ETS1: variants seen among roughly 807,000 people sequenced by gnomAD.
ETS1 encodes the protein ETS proto-oncogene 1, transcription factor.
In ETS1, 15 loss-of-function variants were observed where a neutral mutation model predicts 58.6. The ratio of observed to expected loss-of-function variants is 0.26; its 90% CI spans 0.17 to 0.39. The LOEUF is 0.39. Among genes scored for constraint, ETS1 ranks in the 10% least tolerant of loss-of-function variants. The pLI is 1.00. For missense variants in ETS1, 417 were observed against 610.5 expected, an observed-to-expected ratio of 0.68 and a Z score of 3.34; for synonymous variants, 214 against 218.2, an observed-to-expected ratio of 0.98 and a Z score of 0.17.
intron 3 of ETS1, among the ~76,000 whole-genome samples, chr11:128,540,952 C>T (rs1215136194): frequency 1.3e-5 from 2 of 152,202 alleles, no homozygotes; most frequent in Non-Finnish European, 2.9e-5. Context: ...GGAGTGGCCA[C>T]TCTTCCAAAC....
At chr11:128,518,902 G>A (rs1433113121) in intron 3 of ETS1, among the ~76,000 whole-genome samples, 7 of 152,208 alleles carry the variant, frequency 4.6e-5, no homozygotes, top group Non-Finnish European at 2.9e-5. Context: ...CAGGATTAGA[G>A]CTCCTGCTCT....
intron 3 of ETS1, chr11:128,522,236 GCGCCCGCTCCTCCTGCCCGGCCCT>G (rs1425455641): frequency 8.3e-7 from 1 of 1,202,160 alleles, no homozygotes; most frequent in Non-Finnish European, 1.0e-6. Context: ...CGCCCGCGCC[GCGCCCGCTCCTCCTGCCCGGCCCT>G]CGCCCGCTCC....
intron 3 of ETS1, among the ~76,000 whole-genome samples, chr11:128,543,030 C>A (rs1864078683): frequency 2.0e-5 from 3 of 151,964 alleles, no homozygotes. Flanking sequence ...CAAAAATTAG[C>A]CGGGCATGGT....
rs774996350 is a variant in ETS1, at chr11:128,490,617, G to C, written c.215-41C>G. The C allele has an allele frequency of 2.0e-6, 3 of 1,530,832 alleles. No individual in the cohort carries two copies. The African/African-American group carries it at 4.1e-5, about 21-fold the overall frequency. The allele number at this position is 1,530,832 out of a possible 1,614,324, so 94.8% of individuals were successfully genotyped here. ...GCATATGAATAACAAAAATTACATA[G>C]GTAATGAACCAATCATAAAACATTA... On this transcript the variant is annotated intron_variant, in intron 3 of 9. Transcript: ENST00000392668.
At chr11:128,554,370 C>T (rs954294552) in intron 3 of ETS1, among the ~76,000 whole-genome samples, 1 of 152,066 alleles carries the variant, frequency 6.6e-6, no homozygotes, top group Non-Finnish European at 1.5e-5. Context: ...ATCTTCTCAA[C>T]CTACCAAAAG....
chr11:128,580,622 C>A (rs1321859108), intron 1 of ETS1, among the ~76,000 whole-genome samples: 1 of 152,232 alleles, frequency 6.6e-6, no homozygotes, highest in African/African-American at 2.4e-5. Flanking sequence ...TCCAACATTA[C>A]AGTAGTAGTG....
At chr11:128,564,508 T>C (rs2135566925) in intron 2 of ETS1, among the ~76,000 whole-genome samples, 1 of 151,716 alleles carries the variant, frequency 6.6e-6, no homozygotes, top group South Asian at 2.1e-4. Context: ...AAGTCGGAGG[T>C]AGTGCAGCCA....
chr11:128,550,858 A>G (rs868829828), intron 3 of ETS1, among the ~76,000 whole-genome samples: 1 of 152,314 alleles, frequency 6.6e-6, no homozygotes, highest in Middle Eastern at 3.4e-3. Context: ...ACAGTTCCTC[A>G]CTGAGCTAGA....
chr11:128,503,072 T>G (rs1188182789), intron 3 of ETS1, among the ~76,000 whole-genome samples: 1 of 152,214 alleles, frequency 6.6e-6, no homozygotes, highest in East Asian at 1.9e-4. Context: ...AGCAGTAACT[T>G]CAGATTTCCA....
chr11:128,480,598 G>A, intron 7 of ETS1, 147 bp from the exon 8 acceptor site: 1 of 628,872 alleles, frequency 1.6e-6, no homozygotes, highest in South Asian at 2.0e-5. Context: ...GGGAACAGAA[G>A]CTTCAGGGGT....
chr11:128,479,145 C>G (rs1862412568), intron 8 of ETS1, among the ~76,000 whole-genome samples: 1 of 152,148 alleles, frequency 6.6e-6, no homozygotes, highest in Non-Finnish European at 1.5e-5. Flanking sequence ...CATAAAAGAC[C>G]TAAGGCTTCC....
At chr11:128,492,954 T>C (rs1384358308) in intron 3 of ETS1, among the ~76,000 whole-genome samples, 3 of 152,180 alleles carry the variant, frequency 2.0e-5, no homozygotes, top group Non-Finnish European at 4.4e-5. Flanking sequence ...GCAACTTTCC[T>C]CCCTTCACCC....
At chr11:128,486,039 A>T (rs1428100659) in intron 6 of ETS1, 30 bp downstream of exon 6, 1 of 1,414,688 alleles carries the variant, frequency 7.1e-7, no homozygotes, top group African/African-American at 1.4e-5. Context: ...TGCTATTATC[A>T]TGAGAGAAGA....
chr11:128,526,548 A>C (rs995851307), intron 3 of ETS1: 1 of 232,668 alleles, frequency 4.3e-6, no homozygotes, highest in Non-Finnish European at 8.6e-6. Flanking sequence ...TCTTTGCAGA[A>C]TAGCTTGGAT....
intron 8 of ETS1, among the ~76,000 whole-genome samples, chr11:128,470,419 T>C (rs896315640): frequency 6.6e-6 from 1 of 152,202 alleles, no homozygotes; most frequent in African/African-American, 2.4e-5. Flanking sequence ...CTTATGCAAC[T>C]CATTTAATCT....
chr11:128,573,668 G>A (rs548147795), intron 1 of ETS1, among the ~76,000 whole-genome samples: 84 of 152,308 alleles, frequency 5.5e-4, no homozygotes, highest in African/African-American at 1.9e-3. Flanking sequence ...AAAAGGGATT[G>A]AGCATTATTG....
At chr11:128,526,809 C>T (rs1210311778) in intron 3 of ETS1, 1 of 397,242 alleles carries the variant, frequency 2.5e-6, no homozygotes, top group East Asian at 7.9e-5. Flanking sequence ...GAGACAAAAC[C>T]TTAGGTCTTG....
At chr11:128,487,635 A>C (rs942339934) in intron 5 of ETS1, among the ~76,000 whole-genome samples, 2 of 152,142 alleles carry the variant, frequency 1.3e-5, no homozygotes, top group African/African-American at 4.8e-5. Flanking sequence ...GCTACTCAGG[A>C]GGGTGAGGCA....
intron 1 of ETS1, among the ~76,000 whole-genome samples, chr11:128,585,079 A>G (rs1255702926): frequency 5.5e-4 from 18 of 32,702 alleles, no homozygotes; most frequent in African/African-American, 1.8e-3. Flanking sequence ...AAAGAAAGAG[A>G]AAGAAAGAAA....
Sources: allele counts gnomAD v4.1 joint callset (sites outside exome capture counted in the v4.1 genomes callset), GRCh38; gene constraint gnomAD v4.1.1; transcripts MANE v1.5; gene names NCBI Gene and HGNC (gene_info 2026-07-23, HGNC 2026-07-21).